ZNF384: variants seen among roughly 807,000 people sequenced by gnomAD.
ZNF384 encodes CAG repeat protein 1.
ZNF384 carries 20 observed loss-of-function variants against 65.0 expected under a neutral mutation model. The ratio of observed to expected loss-of-function variants is 0.31; its 90% CI spans 0.22 to 0.45. The LOEUF is 0.45. Ranked by LOEUF, ZNF384 falls within the 20% of genes least tolerant of loss-of-function variation. The pLI, the probability that ZNF384 is intolerant of heterozygous loss-of-function variation, is 1.00. For missense variants in ZNF384, 549 were observed against 769.4 expected, an observed-to-expected ratio of 0.71 and a Z score of 3.39; for synonymous variants, 310 against 303.9, an observed-to-expected ratio of 1.02 and a Z score of -0.21.
chr12:6,668,826 T>C (rs1950457232), intron 11 of ZNF384, among the ~76,000 whole-genome samples: 1 of 152,188 alleles, frequency 6.6e-6, no homozygotes, highest in African/African-American at 2.4e-5. Context: ...TTACAGCTTA[T>C]GCGTCTCTAT....
chr12:6,679,432 A>T (rs775828137), intron 3 of ZNF384, 23 bp downstream of exon 3: 1 of 1,610,752 alleles, frequency 6.2e-7, no homozygotes, highest in South Asian at 1.1e-5. Flanking sequence ...ACTTGGAGAG[A>T]GCAAGAAAGC....
At chr12:6,684,288 T>C (rs1350775613) in intron 2 of ZNF384, among the ~76,000 whole-genome samples, 2 of 152,200 alleles carry the variant, frequency 1.3e-5, no homozygotes, top group Non-Finnish European at 2.9e-5. Flanking sequence ...CATATAACTG[T>C]AGTACACACT....
intron 10 of ZNF384, among the ~76,000 whole-genome samples, chr12:6,670,329 G>A (rs1379476759): frequency 6.6e-6 from 1 of 152,074 alleles, no homozygotes; most frequent in African/African-American, 2.4e-5. Context: ...TTGGGAGGCT[G>A]AGGTGGAAGG....
chr12:6,667,536 C>A lies in ZNF384; in HGVS notation c.*178G>T. Reference sequence around the variant, plus strand: ...CTTTGCAATCAGGAGGGCTGATGTTCCTTTTGAAGAAGAGTTCAGAAAAAG... The same window carrying A: ...CTTTGCAATCAGGAGGGCTGATGTTACTTTTGAAGAAGAGTTCAGAAAAAG... On this transcript the variant is annotated 3_prime_UTR_variant, in exon 12 of 12. Transcript: ENST00000683879. 1.2e-6 allele frequency: 1 copy of A among 847,218 alleles called. No individual in the cohort carries two copies. Among genetic ancestry groups the A allele is most frequent in the Admixed American group, 1.9e-5 (1 of 52,588 alleles). The allele number at this position is 847,218 out of a possible 1,614,324, so 52.5% of individuals were successfully genotyped here.
intron 2 of ZNF384, among the ~76,000 whole-genome samples, chr12:6,682,967 G>C (rs922994213): frequency 2.0e-5 from 3 of 152,190 alleles, no homozygotes; most frequent in Admixed American, 6.5e-5. Flanking sequence ...AGATAAGAGT[G>C]GTGATAAATG....
chr12:6,674,627 GA>G, intron 7 of ZNF384, among the ~76,000 whole-genome samples: 1 of 152,334 alleles, frequency 6.6e-6, no homozygotes, highest in African/African-American at 2.4e-5. Context: ...TTGCAGGAGA[GA>G]GGGGGAGGCT....
rs1237270464 is a variant in ZNF384 at position 6,673,131 on chromosome 12, A to C, written c.1004+85T>G. ...GGGCAAAGGTGAAAGGGAAAGAATA[A>C]TACATGTGGAGAGAGGAGTAGGTGC... On this transcript the variant is annotated intron_variant, in intron 8 of 11. Coordinates refer to ENST00000683879, the MANE Select transcript of ZNF384 (RefSeq NM_001385745.1). This position sits in a 1 kb window ranked among gnomAD's most constrained non-coding sequence, Gnocchi z 4.7. 5 of 1,235,610 alleles carry C rather than the reference A, an allele frequency of 4.0e-6. No homozygotes were observed. Among genetic ancestry groups the C allele is most frequent in the Non-Finnish European group, 3.5e-6 (3 of 869,552 alleles). 76.5% of individuals were successfully genotyped at this position (1,235,610 alleles called of 1,614,324 possible). A position where few individuals can be genotyped will look rare whatever the true frequency, so the allele number is the denominator to read the frequency against.
rs1368124481 is a variant in ZNF384, at chr12:6,666,989, TGA to T, written c.*723_*724del. The T allele has an allele frequency of 5.1e-5, 11 of 216,160 alleles. No homozygotes were observed. Among genetic ancestry groups the T allele is most frequent in the South Asian group, 1.9e-4 (1 of 5,382 alleles). The allele number at this position is 216,160 out of a possible 1,614,324, so 13.4% of individuals were successfully genotyped here. ...CTCCTTGGGGGTGGGTTGGGGAGAC[TGA>T]GAGTATAGGGTCTTTGTAGGCAGAG... On this transcript the variant is annotated 3_prime_UTR_variant, in exon 12 of 12. Coordinates refer to ENST00000683879, the MANE Select transcript of ZNF384 (RefSeq NM_001385745.1).
intron 6 of ZNF384, 135 bp downstream of exon 6, chr12:6,677,992 C>T: frequency 1.3e-6 from 1 of 780,494 alleles, no homozygotes; most frequent in Non-Finnish European, 2.1e-6. Context: ...GATGGGACAC[C>T]TGACATGCAA....
chr12:6,687,703 G>T (rs1432147496), intron 2 of ZNF384, among the ~76,000 whole-genome samples: 1 of 151,954 alleles, frequency 6.6e-6, no homozygotes, highest in African/African-American at 2.4e-5. Flanking sequence ...CTGTGTCACA[G>T]ATTCTAATCA....
intron 2 of ZNF384, among the ~76,000 whole-genome samples, chr12:6,687,286 G>T (rs1958266913): frequency 6.6e-6 from 1 of 152,106 alleles, no homozygotes; most frequent in African/African-American, 2.4e-5. Flanking sequence ...TGGGCCAACA[G>T]CTTCTAGCCT....
rs1271836927 is a variant in ZNF384 at position 6,672,168 on chromosome 12, GCT to G, written c.1187+180_1187+181del. The G allele has an allele frequency of 1.9e-5, 12 of 627,038 alleles. No individual in the cohort carries two copies. Among genetic ancestry groups the G allele is most frequent in the Non-Finnish European group, 3.3e-5 (12 of 364,868 alleles). 38.8% of individuals were successfully genotyped at this position (627,038 alleles called of 1,614,324 possible). ...CCGACGTAGCTCTTGCCCCAGAGAA[GCT>G]CTGTGTCCACTTGAATCTCCAGTGT... On this transcript the variant is annotated intron_variant, in intron 9 of 11. Coordinates refer to ENST00000683879, the MANE Select transcript of ZNF384 (RefSeq NM_001385745.1). The surrounding 1 kb of genome is among the most constrained non-coding windows in gnomAD (Gnocchi z 4.4).
Position 6,677,188 on chromosome 12 carries a change from G to A in ZNF384, c.758C>T (p.Thr253Met), listed in dbSNP as rs138027927. 30 of 1,186,876 alleles carry A rather than the reference G, an allele frequency of 2.5e-5. No homozygotes were observed. The highest frequency in any genetic ancestry group is 2.6e-5 in the Non-Finnish European group (23 of 887,630). The allele number at this position is 1,186,876 out of a possible 1,614,324, so 73.5% of individuals were successfully genotyped here. A position where few individuals can be genotyped will look rare whatever the true frequency, so the allele number is the denominator to read the frequency against. Residue 253 changes from threonine to methionine, a missense_variant, in exon 7 of 12, where the codon ACG (threonine) becomes ATG (methionine). This residue lies in a region of ZNF384 where 277 missense variants were observed against 337.2 expected (regional missense o/e 0.82). Coordinates refer to ENST00000683879, the MANE Select transcript of ZNF384 (RefSeq NM_001385745.1). ...TTGCCCAGGGTCACACAGCAAATTC[G>A]TGGTGGAGCCGGGAACTGAATCCAT... is the stretch of plus-strand genomic sequence containing the variant. ...GLMDSVPGST[T>M]NLLCDPGCRM... is the part of the protein sequence containing the mutation.
In ZNF384 at chr12:6,669,045, G is replaced by T; in HGVS notation, c.1411C>A (p.Arg471=). ...AKVYTCTICS[R]AYTSETYLMK... is the part of the protein sequence containing the mutation. ...GGAGCACTCACTGATGTGTATGCCC[G>T]ACTGCAGATAGTGCAGGTGTACACC... The change falls in exon 11 of 12, where the codon CGG becomes AGG. Residue 471 remains arginine (R), a synonymous_variant. Coordinates refer to ENST00000683879, the MANE Select transcript of ZNF384 (RefSeq NM_001385745.1). 1 of 1,609,586 alleles carries T rather than the reference G, an allele frequency of 6.2e-7. No individual in the cohort carries two copies. The highest frequency in any genetic ancestry group is 1.1e-5 in the South Asian group (1 of 90,646).
chr12:6,666,592 A>AT lies in ZNF384; in HGVS notation c.*1121dup, dbSNP rs953443553. 109 of 147,232 alleles carry AT rather than the reference A, an allele frequency of 7.4e-4. No homozygotes were observed. Among genetic ancestry groups the AT allele is most frequent in the African/African-American group, 1.5e-3 (56 of 36,974 alleles). 9.1% of individuals were successfully genotyped at this position (147,232 alleles called of 1,614,324 possible). Reference sequence around the variant, plus strand: ...TTACTTTATAACAACTGGTTTCCTGATTTTTTTTTTAATTTCCTTTCCTCT... The same window carrying AT: ...TTACTTTATAACAACTGGTTTCCTGATTTTTTTTTTTAATTTCCTTTCCTCT... On this transcript the variant is annotated 3_prime_UTR_variant, in exon 12 of 12. Transcript: ENST00000683879.
At position 6,679,053 on chromosome 12, in the gene ZNF384, C is replaced by A. The variant is rs1954862101; in HGVS notation, c.197G>T (p.Ser66Ile). ...GTCTGACTTGGACTCTGTGTCCATACTGATGCCTGAGGGCAGGGACACTGA... is the reference window on the plus strand; with the variant it reads ...GTCTGACTTGGACTCTGTGTCCATAATGATGCCTGAGGGCAGGGACACTGA... ...PASVSLPSGI[S>I]MDTESKSDQL... The change falls in exon 4 of 12, where the codon AGT (serine) becomes ATT (isoleucine). Residue 66 changes from serine to isoleucine, a missense_variant. Transcript: ENST00000683879. 2 of 1,613,980 alleles carry A rather than the reference C, an allele frequency of 1.2e-6. No individual in the cohort carries two copies. Among genetic ancestry groups the A allele is most frequent in the African/African-American group, 2.7e-5 (2 of 74,890 alleles).
At position 6,686,550 on chromosome 12, in the gene ZNF384, G is replaced by A. The variant is rs748336968; in HGVS notation, c.-6+1617C>T. 5.3e-5 allele frequency among the ~76,000 whole-genome samples: 8 copies of A among 152,146 alleles called. No homozygotes were observed. In the East Asian group the frequency reaches 9.6e-4, roughly 18 times the overall value. On this transcript the variant is annotated intron_variant, in intron 2 of 11. Coordinates refer to ENST00000683879, the MANE Select transcript of ZNF384 (RefSeq NM_001385745.1). Reference sequence around the variant, plus strand: ...ATTACAGGCGTAAGCCACCGTGCCCGGCCAAGACTTGTGAATTCTAATTCT... The same window carrying A: ...ATTACAGGCGTAAGCCACCGTGCCCAGCCAAGACTTGTGAATTCTAATTCT...
chr12:6,685,944 G>A (rs1222932895), intron 2 of ZNF384, among the ~76,000 whole-genome samples: 2 of 152,162 alleles, frequency 1.3e-5, no homozygotes, highest in African/African-American at 2.4e-5. Context: ...AATAATAGTC[G>A]TGAAACACGG....
rs1266737024 is a variant in ZNF384, at chr12:6,673,428, G to A, written c.792C>T (p.Cys264=). ...NLLCDPGCRM[C]SLTFYSKSEM... Reference sequence around the variant, plus strand: ...CCGACTTGGAGTAGAATGTCAGTGAGCACATCCGGCACCTGAGCCAAGTGA... The same window carrying A: ...CCGACTTGGAGTAGAATGTCAGTGAACACATCCGGCACCTGAGCCAAGTGA... Residue 264 remains cysteine (C), a synonymous_variant, in exon 8 of 12, where the codon TGC becomes TGT. Coordinates refer to ENST00000683879, the MANE Select transcript of ZNF384 (RefSeq NM_001385745.1). This position sits in a 1 kb window ranked among gnomAD's most constrained non-coding sequence, Gnocchi z 4.7. The A allele has an allele frequency of 6.2e-7, 1 of 1,613,948 alleles. No individual in the cohort carries two copies. Among genetic ancestry groups the A allele is most frequent in the Non-Finnish European group, 8.5e-7 (1 of 1,179,968 alleles).
Sources: gnomAD v4.1 joint callset for allele counts (sites outside exome capture counted in the v4.1 genomes callset) on GRCh38, gnomAD v4.1.1 for gene constraint, gnomAD v4.1.1 regional missense constraint, Gnocchi (gnomAD v3.1) non-coding constraint, MANE v1.5 for transcripts, NCBI Gene and HGNC (gene_info 2026-07-23, HGNC 2026-07-21) for gene names.